The following CNGA3 variants were observed in gnomAD, a reference collection of about 807,000 sequenced individuals.
CNGA3 encodes the protein cyclic nucleotide-gated channel alpha-3.
Under a neutral mutation model 46.6 loss-of-function variants are expected in CNGA3, and 42 were observed. The observed-to-expected ratio is 0.90, with a 90% confidence interval of 0.70 to 1.17. The LOEUF (loss-of-function observed/expected upper bound fraction) is 1.17. Ranked by LOEUF, CNGA3 falls within the 50% of genes most tolerant of loss-of-function variation. The pLI is 0.00. For synonymous variants in CNGA3, 394 were observed against 369.4 expected (o/e 1.07, Z -0.76); for missense variants, 893 against 890.7 (o/e 1.00, Z -0.03).
chr2:98,391,737 C>T (rs1285917227), intron 6 of CNGA3, 127 bp from the exon 7 acceptor site: 8 of 835,976 alleles, frequency 9.6e-6, no homozygotes, highest in Non-Finnish European at 1.6e-5. Context: ...GGTAGTGACA[C>T]CGCAGGCAGG....
At chr2:98,381,766 C>T (rs1205998146) in intron 4 of CNGA3, among the ~76,000 whole-genome samples, 1 of 152,098 alleles carries the variant, frequency 6.6e-6, no homozygotes, top group Non-Finnish European at 1.5e-5. Context: ...TGGGCGCTGG[C>T]CCAGACAAGT....
At chr2:98,394,291 A>G (rs961843964) in intron 7 of CNGA3, among the ~76,000 whole-genome samples, 2 of 152,184 alleles carry the variant, frequency 1.3e-5, no homozygotes, top group African/African-American at 4.8e-5. Context: ...TGTCCAGCCC[A>G]TCTCCAGACC....
At chr2:98,392,263 G>A (rs915452782) in intron 7 of CNGA3, among the ~76,000 whole-genome samples, 1 of 152,172 alleles carries the variant, frequency 6.6e-6, no homozygotes, top group Non-Finnish European at 1.5e-5. Context: ...TGTCACCTCT[G>A]AGATAAGCAG....
At chr2:98,360,046 C>A (rs1183541470) in intron 1 of CNGA3, among the ~76,000 whole-genome samples, 2 of 152,236 alleles carry the variant, frequency 1.3e-5, no homozygotes, top group African/African-American at 4.8e-5. Context: ...GAGACCCCTC[C>A]TGCCCAGGCC....
chr2:98,383,534 G>A, intron 5 of CNGA3, 93 bp downstream of exon 5: 1 of 1,141,190 alleles, frequency 8.8e-7, no homozygotes, highest in Non-Finnish European at 1.3e-6. Flanking sequence ...TAGTGCTCCT[G>A]CTCCCCACTC....
chr2:98,389,850 C>G (rs1692742849), intron 6 of CNGA3, 76 bp downstream of exon 6: 1 of 1,225,348 alleles, frequency 8.2e-7, no homozygotes, highest in Non-Finnish European at 1.2e-6. Context: ...AGCTCCACCT[C>G]TCCCTCGGGA....
intron 3 of CNGA3, 57 bp from the exon 4 acceptor site, chr2:98,380,118 T>TG (rs2104204934): frequency 1.3e-6 from 2 of 1,587,512 alleles, no homozygotes; most frequent in Non-Finnish European, 1.7e-6. Flanking sequence ...GACTGGGGTT[T>TG]GGGGGTGTGG....
At chr2:98,388,078 TA>T (rs1692693925) in intron 5 of CNGA3, among the ~76,000 whole-genome samples, 1 of 152,178 alleles carries the variant, frequency 6.6e-6, no homozygotes, top group Admixed American at 6.5e-5. Flanking sequence ...GCTTCAGGAA[TA>T]ATAATAACAA....
intron 4 of CNGA3, among the ~76,000 whole-genome samples, 179 bp downstream of exon 4, chr2:98,380,533 C>T (rs902602209): frequency 2.0e-5 from 3 of 152,142 alleles, no homozygotes; most frequent in Admixed American, 6.5e-5. Flanking sequence ...ACAGCCTCTG[C>T]GGAGTCCAAG....
chr2:98,395,856 A>G lies in CNGA3; in HGVS notation c.686A>G (p.Gln229Arg), dbSNP rs769841049. 6.2e-7 allele frequency: 1 copy of G among 1,614,218 alleles called. No homozygotes were observed. Among genetic ancestry groups the G allele is most frequent in the South Asian group, 1.1e-5 (1 of 91,074 alleles). Reference sequence around the variant, plus strand: ...TCTTCTTCTTTAGGTTTTCTCGAGCAAGGCTTAATGGTCAGTGATACCAAC... The same window carrying G: ...TCTTCTTCTTTAGGTTTTCTCGAGCGAGGCTTAATGGTCAGTGATACCAAC... ...LVRARTGFLE[Q>R]GLMVSDTNRL... The change falls in exon 8 of 8, where the codon CAA (glutamine) becomes CGA (arginine). Residue 229 changes from glutamine to arginine, a missense_variant. This residue lies in a region of CNGA3 where 12 missense variants were observed against 29.1 expected (regional missense o/e 0.41). Coordinates refer to ENST00000272602, the MANE Select transcript of CNGA3 (RefSeq NM_001298.3).
At position 98,397,008 on chromosome 2, in the gene CNGA3, A is replaced by T. The variant is rs868062344; in HGVS notation, c.1838A>T (p.Asp613Val). Residue 613 changes from aspartate (D) to valine (V), a missense_variant, in exon 8 of 8, where the codon GAT becomes GTT. Coordinates refer to ENST00000272602, the MANE Select transcript of CNGA3 (RefSeq NM_001298.3). Reference protein sequence around the residue: ...RQILMKDNLIDEELARAGADP... With the variant: ...RQILMKDNLIVEELARAGADP... ...ATCCTGATGAAAGACAACCTGATCG[A>T]TGAGGAGCTGGCCAGGGCGGGCGCG... 8.7e-6 allele frequency: 14 copies of T among 1,614,004 alleles called. 2 individuals carry two copies. In the Middle Eastern group the frequency reaches 2.3e-3, roughly 266 times the overall value.
At chr2:98,373,438 C>A (rs898764019) in intron 2 of CNGA3, among the ~76,000 whole-genome samples, 1 of 152,152 alleles carries the variant, frequency 6.6e-6, no homozygotes, top group Non-Finnish European at 1.5e-5. Context: ...GCACTGGAAA[C>A]CTGCGTGTGG....
intron 7 of CNGA3, among the ~76,000 whole-genome samples, chr2:98,394,227 C>G (rs1267976418): frequency 1.3e-5 from 2 of 152,110 alleles, no homozygotes; most frequent in African/African-American, 2.4e-5. Flanking sequence ...AAAAAGAATG[C>G]AGGTCATGGC....
At chr2:98,369,788 C>T (rs1213735440) in intron 1 of CNGA3, 151 bp from the exon 2 acceptor site, 1 of 616,100 alleles carries the variant, frequency 1.6e-6, no homozygotes, top group Non-Finnish European at 2.9e-6. Context: ...CCAACTAAAA[C>T]TCACTGCAGC....
chr2:98,350,251 T>A (rs1455538705), intron 1 of CNGA3, among the ~76,000 whole-genome samples: 1 of 152,186 alleles, frequency 6.6e-6, no homozygotes. Context: ...GCCTTCCTCA[T>A]CGAGTTGTTG....
rs1214188127 is a variant in CNGA3 at position 98,383,413 on chromosome 2, A to G, written c.421A>G (p.Thr141Ala). 3 of 1,614,152 alleles carry G rather than the reference A, an allele frequency of 1.9e-6. No individual in the cohort carries two copies. Among genetic ancestry groups the G allele is most frequent in the South Asian group, 2.2e-5 (2 of 91,076 alleles). The change falls in exon 5 of 8, where the codon ACT becomes GCT. Residue 141 changes from threonine to alanine, a missense_variant. Around this residue, in one of 3 missense-constraint regions of CNGA3, gnomAD observed 333 missense variants for 290.8 expected, o/e 1.15. Transcript: ENST00000272602. ...RSAWPLAKCN[T>A]NTSNNTEEEK... ...CGCCTGGCCCCTGGCCAAATGCAAC[A>G]CTAACACCAGCAACAACACGGAGGA... is the stretch of plus-strand genomic sequence containing the variant.
Position 98,397,126 on chromosome 2 carries a change from C to T in CNGA3, c.1956C>T (p.Asn652=), listed in dbSNP as rs749868323. 58 of 1,614,102 alleles carry T rather than the reference C, an allele frequency of 3.6e-5. No homozygotes were observed. The highest frequency in any genetic ancestry group is 3.3e-4 in the Middle Eastern group (2 of 6,062). ...TTGCACGCCTCCTGGCTGAGTACAA[C>T]GCCACCCAGATGAAGATGAAGCAGC... ...TRFARLLAEY[N]ATQMKMKQRL... The change falls in exon 8 of 8, where the codon AAC becomes AAT. Residue 652 remains asparagine, a synonymous_variant. Transcript: ENST00000272602.
chr2:98,383,465 AG>A, intron 5 of CNGA3, 24 bp downstream of exon 5: 1 of 1,613,956 alleles, frequency 6.2e-7, no homozygotes, highest in South Asian at 1.1e-5. Flanking sequence ...CACCCAGCAG[AG>A]CCCTCCCCAA....
At chr2:98,393,551 C>T (rs1241877927) in intron 7 of CNGA3, among the ~76,000 whole-genome samples, 1 of 152,200 alleles carries the variant, frequency 6.6e-6, no homozygotes, top group African/African-American at 2.4e-5. Flanking sequence ...CAGGCTGAGG[C>T]TTGCGTGGGT....
Sources: gnomAD v4.1 joint callset for allele counts (sites outside exome capture counted in the v4.1 genomes callset) on GRCh38, gnomAD v4.1.1 for gene constraint, gnomAD v4.1.1 regional missense constraint, MANE v1.5 for transcripts, NCBI Gene and HGNC (gene_info 2026-07-23, HGNC 2026-07-21) for gene names.